Variants in MAP3K13 observed in about 807,000 individuals in gnomAD.
MAP3K13 encodes the protein mitogen-activated protein kinase kinase kinase 13, also known as leucine zipper-bearing kinase.
MAP3K13 carries 52 observed loss-of-function variants against 104.0 expected under a neutral mutation model. The ratio of observed to expected loss-of-function variants is 0.50; its 90% confidence interval spans 0.40 to 0.63. The LOEUF (loss-of-function observed/expected upper bound fraction) is 0.63. MAP3K13 is among the 20% of genes least tolerant of loss of function. The probability of loss-of-function intolerance (pLI) is 0.00; values close to 1 mark genes in which losing one functional copy is unlikely to be tolerated. For missense variants in MAP3K13, 914 were observed against 1,218.5 expected (o/e 0.75, Z 3.72); for synonymous variants, 394 against 442.2 (o/e 0.89, Z 1.37).
intron 1 of MAP3K13, among the ~76,000 whole-genome samples, chr3:185,369,421 G>A (rs1292825543): frequency 6.6e-6 from 1 of 152,212 alleles, no homozygotes; most frequent in Non-Finnish European, 1.5e-5. Flanking sequence ...TATTGTATAA[G>A]TGCCATTTTG....
At chr3:185,388,452 T>C (rs987991059) in intron 1 of MAP3K13, among the ~76,000 whole-genome samples, 9 of 152,014 alleles carry the variant, frequency 5.9e-5, no homozygotes, top group Admixed American at 2.6e-4. Context: ...TAGCGAGCCA[T>C]GATCACAGCA....
intron 3 of MAP3K13, among the ~76,000 whole-genome samples, chr3:185,442,340 T>G (rs112368079): frequency 9.5e-4 from 145 of 152,182 alleles, no homozygotes; most frequent in African/African-American, 3.4e-3. Context: ...AAAGAAATGT[T>G]TTTCAAAGAT....
chr3:185,341,597 G>A (rs1291904984), intron 2 of MAP3K13, among the ~76,000 whole-genome samples: 1 of 152,226 alleles, frequency 6.6e-6, no homozygotes. Context: ...TTTAAGGCAT[G>A]TCTAAATTTT....
chr3:185,355,829 T>A (rs1033080481), intron 2 of MAP3K13, among the ~76,000 whole-genome samples: 1 of 152,192 alleles, frequency 6.6e-6, no homozygotes, highest in Non-Finnish European at 1.5e-5. Flanking sequence ...AGAAAATGCA[T>A]GAAATTCAGA....
At chr3:185,434,380 G>C (rs1261255497) in intron 2 of MAP3K13, among the ~76,000 whole-genome samples, 1 of 152,134 alleles carries the variant, frequency 6.6e-6, no homozygotes, top group African/African-American at 2.4e-5. Flanking sequence ...AACCAAAAAA[G>C]AATTGATAAC....
chr3:185,285,255 G>T, intron 1 of MAP3K13: 1 of 174,420 alleles, frequency 5.7e-6, no homozygotes, highest in East Asian at 1.4e-4. Flanking sequence ...TGTTACCGTG[G>T]TGCCACCCTT....
At chr3:185,458,282 C>T (rs1033489053) in intron 7 of MAP3K13, among the ~76,000 whole-genome samples, 11 of 150,310 alleles carry the variant, frequency 7.3e-5, no homozygotes, top group Admixed American at 4.7e-4. Context: ...ACACAAGAAT[C>T]GCTTGAACCC....
rs902879474 is a variant in MAP3K13, at chr3:185,485,323, C to A, written c.*2867C>A. 6 of 152,120 alleles carry A rather than the reference C, an allele frequency of 3.9e-5. No individual in the cohort carries two copies. The highest frequency in any genetic ancestry group is 1.4e-4 in the African/African-American group (6 of 41,428). The allele number at this position is 152,120 out of a possible 1,614,324, so 9.4% of individuals were successfully genotyped here. On this transcript the variant is annotated 3_prime_UTR_variant, in exon 14 of 14. Transcript: ENST00000265026. Reference sequence around the variant, plus strand: ...CCTTTATTCTCCTAGTGGAGAGTAGCAGGGAGACTAAAAAAAGAAATGGTA... The same window carrying A: ...CCTTTATTCTCCTAGTGGAGAGTAGAAGGGAGACTAAAAAAAGAAATGGTA...
At chr3:185,303,391 A>G (rs1560040296) in intron 2 of MAP3K13, among the ~76,000 whole-genome samples, 1 of 152,208 alleles carries the variant, frequency 6.6e-6, no homozygotes, top group African/African-American at 2.4e-5. Context: ...GAGAAGGATC[A>G]GTGTTAATTC....
chr3:185,377,951 G>A (rs930845243), intron 1 of MAP3K13, among the ~76,000 whole-genome samples: 4 of 152,204 alleles, frequency 2.6e-5, no homozygotes, highest in Admixed American at 6.5e-5. Flanking sequence ...CCCGGGCTGC[G>A]GGCATTCCTT....
chr3:185,333,192 G>A (rs767849730), intron 2 of MAP3K13, among the ~76,000 whole-genome samples: 10 of 151,880 alleles, frequency 6.6e-5, no homozygotes, highest in East Asian at 1.9e-4. Context: ...TCTAGTAGTC[G>A]TACATACAGG....
intron 2 of MAP3K13, among the ~76,000 whole-genome samples, chr3:185,355,668 G>A (rs1306209098): frequency 2.6e-5 from 4 of 151,694 alleles, no homozygotes; most frequent in Admixed American, 2.6e-4. Context: ...AAAGCAAAGA[G>A]AACTCAGAAT....
intron 2 of MAP3K13, among the ~76,000 whole-genome samples, chr3:185,346,149 G>A (rs890535370): frequency 3.3e-5 from 5 of 152,210 alleles, no homozygotes; most frequent in African/African-American, 1.2e-4. Flanking sequence ...TGTATCCTTT[G>A]ACCAACATCT....
chr3:185,449,371 TAA>T (rs61621090), intron 5 of MAP3K13, among the ~76,000 whole-genome samples: 8 of 80,776 alleles, frequency 9.9e-5, no homozygotes, highest in Non-Finnish European at 9.8e-5. Flanking sequence ...AGATGCTGTC[TAA>T]AAAAAAAAAA....
At chr3:185,461,154 G>C (rs1717076410) in intron 7 of MAP3K13, among the ~76,000 whole-genome samples, 1 of 152,190 alleles carries the variant, frequency 6.6e-6, no homozygotes, top group Non-Finnish European at 1.5e-5. Flanking sequence ...TTCGTTTACA[G>C]CTTAGATGCT....
At chr3:185,381,972 A>T (rs1225815211) in intron 1 of MAP3K13, among the ~76,000 whole-genome samples, 1 of 152,236 alleles carries the variant, frequency 6.6e-6, no homozygotes, top group African/African-American at 2.4e-5. Flanking sequence ...ATGAATAACA[A>T]GACTTAACTG....
chr3:185,373,794 G>T (rs1724278672), intron 1 of MAP3K13, among the ~76,000 whole-genome samples: 1 of 141,450 alleles, frequency 7.1e-6, no homozygotes, highest in Non-Finnish European at 1.5e-5. Flanking sequence ...TTCTCAACCT[G>T]GTTAGCCTGG....
At chr3:185,480,620 A>G (rs1382867649) in intron 13 of MAP3K13, 91 bp downstream of exon 13, 3 of 1,311,944 alleles carry the variant, frequency 2.3e-6, no homozygotes, top group Non-Finnish European at 3.1e-6. Flanking sequence ...TTCATTTAAT[A>G]ATAAGATACA....
chr3:185,359,286 A>G (rs1357143784), upstream of MAP3K13, among the ~76,000 whole-genome samples: 2 of 152,176 alleles, frequency 1.3e-5, no homozygotes, highest in Non-Finnish European at 2.9e-5. Context: ...CCATGAGAAC[A>G]GTATGGAGGA....
Sources: gnomAD v4.1 joint callset for allele counts (sites outside exome capture counted in the v4.1 genomes callset) on GRCh38, gnomAD v4.1.1 for gene constraint, MANE v1.5 for transcripts, NCBI Gene and HGNC (gene_info 2026-07-23, HGNC 2026-07-21) for gene names.